Variants in ANO1 observed in about 807,000 individuals in gnomAD.
The protein encoded by ANO1 is anoctamin-1.
In ANO1, 59 loss-of-function variants were observed where a neutral mutation model predicts 124.0. That is an observed-to-expected ratio of 0.48 (90% CI 0.39 to 0.59). ANO1 has a LOEUF of 0.59. Ranked by LOEUF, ANO1 falls within the 20% of genes least tolerant of loss-of-function variation. ANO1 has a pLI of 0.00. For missense variants in ANO1, 1,059 were observed against 1,328.0 expected, an observed-to-expected ratio of 0.80 and a Z score of 3.15; for synonymous variants, 529 against 532.0, an observed-to-expected ratio of 0.99 and a Z score of 0.08.
chr11:70,135,818 G>A (rs1452319339), intron 11 of ANO1, among the ~76,000 whole-genome samples: 2 of 152,356 alleles, frequency 1.3e-5, no homozygotes, highest in African/African-American at 4.8e-5. Flanking sequence ...TTAACACGCC[G>A]GGCGATAAGA....
intron 1 of ANO1, among the ~76,000 whole-genome samples, chr11:70,035,381 CT>C (rs201807113): frequency 0.1 from 15,360 of 151,694 alleles, 937 homozygotes; most frequent in Non-Finnish European, 0.14. Context: ...TATGACCCTG[CT>C]TTTTTTTTCT....
rs114100375 is a variant in ANO1, at chr11:70,027,587, T to C, written c.58+41421T>C. ...GCCACATGGAGGTGGGGACTCTGTT[T>C]TCCCCCAGCATGTGGAACAGGATCT... On this transcript the variant is annotated intron_variant, in intron 1 of 27. Coordinates refer to the ANO1 transcript ENST00000531349. Among the ~76,000 whole-genome samples, 648 of 152,350 alleles carry C rather than the reference T, an allele frequency of 4.3e-3. 5 individuals are homozygous for C. Among genetic ancestry groups the C allele is most frequent in the African/African-American group, 0.015 (626 of 41,580 alleles).
intron 1 of ANO1, among the ~76,000 whole-genome samples, chr11:70,059,943 C>T (rs1555007492): frequency 8.3e-6 from 1 of 119,794 alleles, no homozygotes; most frequent in Non-Finnish European, 1.7e-5. Context: ...GGTGTGGAGG[C>T]GTTGGCCTTT....
At chr11:70,044,124 T>G (rs1434230087) in intron 1 of ANO1, among the ~76,000 whole-genome samples, 1 of 152,002 alleles carries the variant, frequency 6.6e-6, no homozygotes, top group Non-Finnish European at 1.5e-5. Flanking sequence ...TTTGAAAATA[T>G]ACCATTATAA....
chr11:70,120,052 T>G (rs951458541), intron 8 of ANO1, among the ~76,000 whole-genome samples: 8 of 152,070 alleles, frequency 5.3e-5, no homozygotes, highest in Non-Finnish European at 1.2e-4. Context: ...GGTGACAGAC[T>G]CCATGGCTTC....
intron 1 of ANO1, among the ~76,000 whole-genome samples, chr11:70,047,092 A>AAGAAAAAG (rs35783746): frequency 1.4e-5 from 2 of 146,188 alleles, no homozygotes; most frequent in Non-Finnish European, 1.5e-5. Context: ...AAAAAAAAAA[A>AAGAAAAAG]AAAAAGAAAA....
chr11:70,000,727 A>T (rs1554999126), intron 1 of ANO1, among the ~76,000 whole-genome samples: 1 of 151,992 alleles, frequency 6.6e-6, no homozygotes, highest in East Asian at 1.9e-4. Context: ...ATTGTTCATG[A>T]TAGCCCGCAA....
rs993300080 is a variant in ANO1 at position 70,188,812 on chromosome 11, T to C, written c.*808T>C. ...AGAGAGAGATGACCTCGGAAGCATT[T>C]CCACAGATGGTGTCAGGGTTTCAAG... is the stretch of plus-strand genomic sequence containing the variant. On this transcript the variant is annotated 3_prime_UTR_variant, in exon 26 of 26. Coordinates refer to ENST00000355303, the MANE Select transcript of ANO1 (RefSeq NM_018043.7). 1 of 152,286 alleles carries C rather than the reference T, an allele frequency of 6.6e-6. No homozygotes were observed. 9.4% of individuals were successfully genotyped at this position (152,286 alleles called of 1,614,324 possible).
rs1331962162 is a variant in ANO1 at position 70,134,600 on chromosome 11, C to A, written c.1258+2521C>A. ...GGAGCATGTGAGAACCAAAGAAAAC[C>A]TATACGAGAGTGTGCGTGCGCCTGG... is the stretch of plus-strand genomic sequence containing the variant. On this transcript the variant is annotated intron_variant, in intron 11 of 25. Transcript: ENST00000355303. Among the ~76,000 whole-genome samples the A allele has an allele frequency of 6.6e-5, 10 of 151,998 alleles. 1 individual carries two copies. The highest frequency in any genetic ancestry group is 6.5e-4 in the Admixed American group (10 of 15,270).
chr11:70,088,958 G>A (rs79679353), intron 2 of ANO1, among the ~76,000 whole-genome samples: 17,698 of 152,222 alleles, frequency 0.12, 1,203 homozygotes, highest in Admixed American at 0.19. Flanking sequence ...ACAAAAGGTC[G>A]ACCCCCCTCG....
At chr11:69,987,596 C>A (rs1370799543) in intron 1 of ANO1, among the ~76,000 whole-genome samples, 2 of 113,424 alleles carry the variant, frequency 1.8e-5, no homozygotes, top group Non-Finnish European at 3.3e-5. Flanking sequence ...CAGAGCAAGA[C>A]CATGTCTCAA....
intron 25 of ANO1, 69 bp from the exon 26 acceptor site, chr11:70,187,669 G>A (rs2049186878): frequency 6.6e-7 from 1 of 1,523,824 alleles, no homozygotes; most frequent in Non-Finnish European, 8.8e-7. Context: ...ATGGGGGCCA[G>A]GCAGAGAGGT....
chr11:70,097,492 C>T (rs2045043097), intron 2 of ANO1, among the ~76,000 whole-genome samples: 1 of 152,218 alleles, frequency 6.6e-6, no homozygotes, highest in African/African-American at 2.4e-5. Context: ...GACCCCTGCC[C>T]AGGGACTGAG....
chr11:70,101,562 A>G (rs1281925409), intron 2 of ANO1, among the ~76,000 whole-genome samples: 1 of 148,354 alleles, frequency 6.7e-6, no homozygotes, highest in African/African-American at 2.5e-5. Flanking sequence ...ATCTCAAAAA[A>G]GAACAAAAAA....
At chr11:70,117,691 A>AT (rs758494612) in intron 8 of ANO1, among the ~76,000 whole-genome samples, 15 of 152,084 alleles carry the variant, frequency 9.9e-5, no homozygotes, top group Non-Finnish European at 2.1e-4. Flanking sequence ...CCCTTGCCCT[A>AT]TCTGCTGGTC....
intron 1 of ANO1, among the ~76,000 whole-genome samples, chr11:70,083,480 C>T (rs2135194247): frequency 6.6e-6 from 1 of 152,266 alleles, no homozygotes; most frequent in South Asian, 2.1e-4. Flanking sequence ...GATGTTTCTG[C>T]TCTCCCAAAG....
intron 21 of ANO1, chr11:70,170,105 C>T (rs1208581544): frequency 6.6e-6 from 3 of 454,728 alleles, no homozygotes; most frequent in African/African-American, 2.0e-5. Flanking sequence ...AGTGGGTCCC[C>T]ACCCGGATCC....
In ANO1 at chr11:70,127,331, C is replaced by T. The variant is rs924489579; in HGVS notation, c.1097+1136C>T. The stretch of plus-strand genomic sequence containing the variant: ...TAAGGCTGCCTGCTTCCCTTATCTG[C>T]ACGGCCCCGAGAAATTCTGCAGGAA... On this transcript the variant is annotated intron_variant, in intron 10 of 25. Transcript: ENST00000355303. Among the ~76,000 whole-genome samples the T allele has an allele frequency of 4.7e-4, 71 of 152,306 alleles. 1 individual carries two copies. Among genetic ancestry groups the T allele is most frequent in the Non-Finnish European group, 9.1e-4 (62 of 68,020 alleles).
At chr11:70,012,355 C>A (rs1591033319) in intron 1 of ANO1, among the ~76,000 whole-genome samples, 1 of 149,968 alleles carries the variant, frequency 6.7e-6, no homozygotes, top group African/African-American at 2.5e-5. Flanking sequence ...TTCCTTCATC[C>A]ATCCATCCAT....
Sources: gnomAD v4.1 joint callset for allele counts (sites outside exome capture counted in the v4.1 genomes callset) on GRCh38, gnomAD v4.1.1 for gene constraint, MANE v1.5 for transcripts, NCBI Gene and HGNC (gene_info 2026-07-23, HGNC 2026-07-21) for gene names.